TENM4: variants seen among roughly 807,000 people sequenced by gnomAD.
TENM4 encodes teneurin-4.
TENM4 carries 82 observed loss-of-function variants against 243.3 expected under a neutral mutation model. That is an observed-to-expected ratio of 0.34 (90% confidence interval 0.28 to 0.40). TENM4 has a LOEUF of 0.40. TENM4 is among the 10% of genes least tolerant of loss of function. TENM4 has a pLI of 1.00. For missense variants in TENM4, 3,138 were observed against 3,673.3 expected (o/e 0.85, Z 3.77); for synonymous variants, 1,412 against 1,456.3 (o/e 0.97, Z 0.69).
At chr11:78,756,685 G>T in intron 19 of TENM4, 120 bp downstream of exon 19, 1 of 926,524 alleles carries the variant, frequency 1.1e-6, no homozygotes, top group Non-Finnish European at 1.6e-6. Context: ...ATTCCATCAG[G>T]AACCATGGAT....
At chr11:78,812,012 G>A in intron 14 of TENM4, 110 bp downstream of exon 14, 1 of 1,367,036 alleles carries the variant, frequency 7.3e-7, no homozygotes, top group Non-Finnish European at 9.8e-7. Context: ...GGGAGGTGGG[G>A]TCACAAAATG....
intron 13 of TENM4, among the ~76,000 whole-genome samples, 199 bp from the exon 14 acceptor site, chr11:78,812,515 G>A (rs1857521920): frequency 6.6e-6 from 1 of 152,180 alleles, no homozygotes; most frequent in South Asian, 2.1e-4. Context: ...GTAGGTGATA[G>A]TGCACAGTGC....
At chr11:79,278,307 C>T (rs539560751) in intron 2 of TENM4, among the ~76,000 whole-genome samples, 7 of 152,290 alleles carry the variant, frequency 4.6e-5, no homozygotes, top group South Asian at 2.1e-4. Context: ...AGAAACACAA[C>T]GTTGTAAGCT....
At chr11:79,280,752 A>G (rs1856143342) in intron 2 of TENM4, among the ~76,000 whole-genome samples, 1 of 152,072 alleles carries the variant, frequency 6.6e-6, no homozygotes. Flanking sequence ...CTCCCAGGTT[A>G]AACTCCCCAG....
rs147109205 is a variant in TENM4, at chr11:79,350,100, C to T, written c.-320-52557G>A. Among the ~76,000 whole-genome samples the T allele has an allele frequency of 7.9e-5, 12 of 152,310 alleles. No individual in the cohort carries two copies. In the South Asian group the frequency reaches 1.5e-3, roughly 18 times the overall value. ...TCCCTGCCCTCAGGAAACTTCCAGA[C>T]GAGTGAGGAATATCAGACAAGTTCA... On this transcript the variant is annotated intron_variant, in intron 1 of 33. Transcript: ENST00000278550.
intron 4 of TENM4, among the ~76,000 whole-genome samples, chr11:79,143,067 C>T (rs140804340): frequency 0.056 from 8,469 of 152,158 alleles, 336 homozygotes; most frequent in Non-Finnish European, 0.078. Context: ...AACACTTTTA[C>T]GCTGTTGGTG....
rs547990821 is a variant in TENM4 at position 79,038,684 on chromosome 11, A to C, written c.493+26054T>G. ...TTCTCTCTGTTGCTTTTCTAGCTGC[A>C]ATAGGACAGAACCCTATTTGGGGGA... On this transcript the variant is annotated intron_variant, in intron 6 of 33. Transcript: ENST00000278550. 3.5e-4 allele frequency among the ~76,000 whole-genome samples: 53 copies of C among 152,318 alleles called. 1 individual carries two copies. Among genetic ancestry groups the C allele is most frequent in the African/African-American group, 9.4e-4 (39 of 41,570 alleles).
rs1012911244 is a variant in TENM4, at chr11:78,867,358, G to A, written c.1085-4226C>T. On this transcript the variant is annotated intron_variant, in intron 9 of 33. Transcript: ENST00000278550. ...CACAAATGAGTGAGAATACAGCAAA[G>A]TCATCTTAAAGCCAAAATAAAGGGG... Among the ~76,000 whole-genome samples, 5 of 152,128 alleles carry A rather than the reference G, an allele frequency of 3.3e-5. No individual in the cohort carries two copies. The East Asian group carries it at 9.6e-4, about 29-fold the overall frequency.
At chr11:78,891,702 C>G (rs10899576) in intron 7 of TENM4, among the ~76,000 whole-genome samples, 77,313 of 151,940 alleles carry the variant, frequency 0.51, 23,835 homozygotes, top group East Asian at 0.78. Flanking sequence ...GGTGAGGAAA[C>G]TGAGATGTGG....
chr11:79,335,733 A>C (rs1857137226), intron 1 of TENM4, among the ~76,000 whole-genome samples: 1 of 152,120 alleles, frequency 6.6e-6, no homozygotes, highest in Non-Finnish European at 1.5e-5. Context: ...CCTAGAGGGG[A>C]CATGGTCTGG....
intron 6 of TENM4, among the ~76,000 whole-genome samples, chr11:78,916,917 C>T (rs1315271620): frequency 1.3e-5 from 2 of 152,194 alleles, no homozygotes; most frequent in African/African-American, 4.8e-5. Context: ...GATCCCAATA[C>T]AAGCTTCTGA....
chr11:78,722,973 T>G (rs1855431232), intron 23 of TENM4, 56 bp from the exon 24 acceptor site: 3 of 1,594,998 alleles, frequency 1.9e-6, no homozygotes. Context: ...TATCTTTTCC[T>G]GTGGTTGACC....
At chr11:79,178,661 C>G (rs138549570) in intron 3 of TENM4, among the ~76,000 whole-genome samples, 31 of 152,286 alleles carry the variant, frequency 2.0e-4, no homozygotes, top group African/African-American at 7.5e-4. Context: ...TTGACAGGAG[C>G]AGTGTTGGAA....
intron 1 of TENM4, among the ~76,000 whole-genome samples, chr11:79,325,200 T>C (rs1016057277): frequency 6.6e-6 from 1 of 152,184 alleles, no homozygotes; most frequent in Non-Finnish European, 1.5e-5. Context: ...AGTTCTAACC[T>C]GGGCTGGAGG....
In TENM4 at chr11:79,164,957, A is replaced by ATGTG. The variant is rs369197845; in HGVS notation, c.-162-16155_-162-16152dup. 9.2e-3 allele frequency among the ~76,000 whole-genome samples: 1,284 copies of ATGTG among 139,918 alleles called. 15 individuals carry two copies. The highest frequency in any genetic ancestry group is 0.025 in the South Asian group (102 of 4,150). The allele number at this position is 139,918 out of a possible 152,430, so 91.8% of individuals were successfully genotyped here. A position where few individuals can be genotyped will look rare whatever the true frequency, so the allele number is the denominator to read the frequency against. ...GAAAATGGACTAATACTATATATAT[A>ATGTG]TGTGTGTGTGTGTGTGTGTGTGTGT... On this transcript the variant is annotated intron_variant, in intron 3 of 33. Coordinates refer to ENST00000278550, the MANE Select transcript of TENM4 (RefSeq NM_001098816.3).
At chr11:78,713,948 A>C (rs1859461846) in intron 25 of TENM4, among the ~76,000 whole-genome samples, 1 of 152,092 alleles carries the variant, frequency 6.6e-6, no homozygotes, top group Admixed American at 6.6e-5. Context: ...ACTGCATCTC[A>C]ATATTGGCAG....
At chr11:79,049,084 G>C (rs1463767076) in intron 6 of TENM4, among the ~76,000 whole-genome samples, 1 of 152,158 alleles carries the variant, frequency 6.6e-6, no homozygotes, top group Non-Finnish European at 1.5e-5. Flanking sequence ...TAGAGACCAC[G>C]TCAGGTCCAG....
rs1187316348 is a variant in TENM4, at chr11:78,669,669, G to T, written c.6676C>A (p.Leu2226Met). Residue 2226 changes from leucine (L) to methionine (M), a missense_variant, in exon 32 of 34, where the codon CTG becomes ATG. By Grantham distance (15) the Leu-to-Met change is conservative. Around this residue, in one of 2 missense-constraint regions of TENM4, gnomAD observed 2,467 missense variants for 3,059.1 expected, o/e 0.81. Transcript: ENST00000278550. The surrounding 1 kb of genome is among the most constrained non-coding windows in gnomAD (Gnocchi z 6.4). ...SYDLNGNLHL[L>M]SPGNSARLTP... ...AGCCGTGCACTGTTCCCAGGGCTCA[G>T]TAAGTGCAGGTTCCCATTGAGGTCG... 6.2e-7 allele frequency: 1 copy of T among 1,613,936 alleles called. No individual in the cohort carries two copies. The highest frequency in any genetic ancestry group is 1.7e-5 in the Admixed American group (1 of 60,016).
chr11:79,143,611 G>A (rs1002330236), intron 4 of TENM4, among the ~76,000 whole-genome samples: 2 of 151,730 alleles, frequency 1.3e-5, no homozygotes, highest in African/African-American at 2.4e-5. Context: ...CAGCAACATG[G>A]CACATGTATA....
Sources: gnomAD v4.1 joint callset for allele counts (sites outside exome capture counted in the v4.1 genomes callset) on GRCh38, gnomAD v4.1.1 for gene constraint, gnomAD v4.1.1 regional missense constraint, Gnocchi (gnomAD v3.1) non-coding constraint, MANE v1.5 for transcripts, NCBI Gene and HGNC (gene_info 2026-07-23, HGNC 2026-07-21) for gene names.